ERBB2: variants seen among roughly 807,000 people sequenced by gnomAD.
The protein encoded by ERBB2 is erb-b2 receptor tyrosine kinase 2.
ERBB2 carries 61 observed loss-of-function variants against 149.0 expected under a neutral mutation model. The ratio of observed to expected loss-of-function variants is 0.41; its 90% confidence interval spans 0.33 to 0.51. The LOEUF is 0.51. ERBB2 is among the 20% of genes least tolerant of loss of function. The probability of loss-of-function intolerance (pLI) is 0.25; values close to 1 mark genes in which losing one functional copy is unlikely to be tolerated. For synonymous variants in ERBB2, 633 were observed against 678.8 expected, an observed-to-expected ratio of 0.93 and a Z score of 1.05; for missense variants, 1,205 against 1,655.1, an observed-to-expected ratio of 0.73 and a Z score of 4.72.
rs1357945260 is a variant in ERBB2, at chr17:39,726,547, T to A, written c.2873-15T>A. On this transcript the variant is annotated splice_polypyrimidine_tract_variant and intron_variant, in intron 23 of 26. Coordinates refer to ENST00000269571, the MANE Select transcript of ERBB2 (RefSeq NM_004448.4). This position sits in a 1 kb window ranked among gnomAD's most constrained non-coding sequence, Gnocchi z 5.1. The stretch of plus-strand genomic sequence containing the variant: ...AGGGCCTGGGACTAGCATGCTGACC[T>A]CCCTCCTGCCCCAGGTTGGATGATT... The A allele has an allele frequency of 1.5e-5, 24 of 1,611,046 alleles. No homozygotes were observed. The highest frequency in any genetic ancestry group is 8.0e-5 in the African/African-American group (6 of 74,796).
rs748675090 is a variant in ERBB2, at chr17:39,726,501, G to A, written c.2873-61G>A. ...AGACCAGACTGGAGGGGGAGTGGGA[G>A]GGGAGAGGCAGCAAGCACACAGGGC... On this transcript the variant is annotated intron_variant, in intron 23 of 26. Coordinates refer to ENST00000269571, the MANE Select transcript of ERBB2 (RefSeq NM_004448.4). This position sits in a 1 kb window ranked among gnomAD's most constrained non-coding sequence, Gnocchi z 5.1. 1 of 1,396,694 alleles carries A rather than the reference G, an allele frequency of 7.2e-7. No individual in the cohort carries two copies. The highest frequency in any genetic ancestry group is 1.0e-6 in the Non-Finnish European group (1 of 985,658). 86.5% of individuals were successfully genotyped at this position (1,396,694 alleles called of 1,614,324 possible). A position where few individuals can be genotyped will look rare whatever the true frequency, so the allele number is the denominator to read the frequency against.
chr17:39,724,992 G>T (rs1346743264), intron 20 of ERBB2, 57 bp from the exon 21 acceptor site: 1 of 1,609,206 alleles, frequency 6.2e-7, no homozygotes, highest in Non-Finnish European at 8.5e-7. Context: ...CTCTTGCTGG[G>T]CATGTGGCCA....
intron 16 of ERBB2, among the ~76,000 whole-genome samples, chr17:39,721,766 G>A (rs1402328708): frequency 6.6e-6 from 1 of 152,154 alleles, no homozygotes; most frequent in East Asian, 1.9e-4. Context: ...CCCCAAAATT[G>A]TATGCATACA....
Position 39,716,713 on chromosome 17 carries a change from T to C in ERBB2, c.1737+108T>C, listed in dbSNP as rs2059152745. 9.8e-6 allele frequency: 10 copies of C among 1,018,340 alleles called. No homozygotes were observed. The South Asian group carries it at 1.4e-4, about 14-fold the overall frequency. The allele number at this position is 1,018,340 out of a possible 1,614,324, so 63.1% of individuals were successfully genotyped here. A position where few individuals can be genotyped will look rare whatever the true frequency, so the allele number is the denominator to read the frequency against. On this transcript the variant is annotated intron_variant, in intron 14 of 26. Coordinates refer to ENST00000269571, the MANE Select transcript of ERBB2 (RefSeq NM_004448.4). ...GTAGGGTGTGCTATCTGGTAAAATA[T>C]CCCTGGAGAGGGCTCAGCGCTCAGA...
chr17:39,691,574 T>TACACACACACACAC (rs1173386743), upstream of ERBB2, among the ~76,000 whole-genome samples: 2 of 122,056 alleles, frequency 1.6e-5, no homozygotes, highest in Admixed American at 8.2e-5. Flanking sequence ...TATATATATA[T>TACACACACACACAC]ACACACACAC....
chr17:39,726,019 G>C lies in ERBB2; in HGVS notation c.2872+166G>C. The C allele has an allele frequency of 1.5e-6, 1 of 667,884 alleles. No individual in the cohort carries two copies. Among genetic ancestry groups the C allele is most frequent in the Middle Eastern group, 4.0e-4 (1 of 2,522 alleles). The allele number at this position is 667,884 out of a possible 1,614,324, so 41.4% of individuals were successfully genotyped here. A position where few individuals can be genotyped will look rare whatever the true frequency, so the allele number is the denominator to read the frequency against. Reference sequence around the variant, plus strand: ...ATCCCTTTTACAGTCAAAGTCCAAAGCCACTCTTGAGGAACACTCTTGTAC... The same window carrying C: ...ATCCCTTTTACAGTCAAAGTCCAAACCCACTCTTGAGGAACACTCTTGTAC... On this transcript the variant is annotated intron_variant, in intron 23 of 26. Transcript: ENST00000269571. This position sits in a 1 kb window ranked among gnomAD's most constrained non-coding sequence, Gnocchi z 5.1.
At chr17:39,692,427 G>A (rs1320132652), upstream of ERBB2, among the ~76,000 whole-genome samples, 1 of 147,878 alleles carries the variant, frequency 6.8e-6, no homozygotes, top group Non-Finnish European at 1.5e-5. Context: ...TTTTTTAAAC[G>A]GAGTTTTTGC....
At chr17:39,700,051 T>A, upstream of ERBB2, 1 of 1,264,760 alleles carries the variant, frequency 7.9e-7, no homozygotes, top group Non-Finnish European at 9.9e-7. Context: ...AATGAAGTTG[T>A]GAAGCTGAGA....
Position 39,727,232 on chromosome 17 carries a change from CCATG to C in ERBB2, c.3160-62_3160-59del. The C allele has an allele frequency of 6.3e-7, 1 of 1,580,678 alleles. No homozygotes were observed. The highest frequency in any genetic ancestry group is 8.6e-7 in the Non-Finnish European group (1 of 1,162,226). On this transcript the variant is annotated intron_variant, in intron 25 of 26. Coordinates refer to ENST00000269571, the MANE Select transcript of ERBB2 (RefSeq NM_004448.4). This position sits in a 1 kb window ranked among gnomAD's most constrained non-coding sequence, Gnocchi z 4.3. Reference sequence around the variant, plus strand: ...TTTTCTCCTGTGACCCTGTCACCTTCCATGGAGTCCCCATCCCAGATCCGTGAGT... The same window carrying C: ...TTTTCTCCTGTGACCCTGTCACCTTCGAGTCCCCATCCCAGATCCGTGAGT...
upstream of ERBB2, among the ~76,000 whole-genome samples, chr17:39,690,742 A>T (rs2145185896): frequency 6.6e-6 from 1 of 151,754 alleles, no homozygotes; most frequent in Non-Finnish European, 1.5e-5. Flanking sequence ...TTGGCTTCAG[A>T]TGTGATCCAC....
intron 15 of ERBB2, 69 bp downstream of exon 15, chr17:39,717,549 A>G (rs2059206173): frequency 2.4e-5 from 31 of 1,317,852 alleles, no homozygotes; most frequent in South Asian, 1.0e-4. Context: ...GGCTCTTACT[A>G]TAAAAGGGGA....
At chr17:39,696,173 C>T (rs1366772528), upstream of ERBB2, among the ~76,000 whole-genome samples, 2 of 152,202 alleles carry the variant, frequency 1.3e-5, no homozygotes, top group Non-Finnish European at 2.9e-5. Context: ...CCCACCCCTG[C>T]CCCCCTTCCT....
At chr17:39,714,689 C>T (rs924399861) in intron 9 of ERBB2, among the ~76,000 whole-genome samples, 2 of 152,016 alleles carry the variant, frequency 1.3e-5, no homozygotes, top group African/African-American at 4.8e-5. Flanking sequence ...TTCACTCTTA[C>T]AAACAGTTCC....
At chr17:39,702,111 C>A (rs184911922) in intron 1 of ERBB2, among the ~76,000 whole-genome samples, 2 of 152,296 alleles carry the variant, frequency 1.3e-5, no homozygotes, top group Admixed American at 1.3e-4. Flanking sequence ...ATTGCACAGC[C>A]TGGGCAACAA....
intron 4 of ERBB2, 135 bp from the exon 5 acceptor site, chr17:39,709,678 A>C: frequency 1.0e-6 from 1 of 981,212 alleles, no homozygotes; most frequent in Non-Finnish European, 1.6e-6. Flanking sequence ...GGGGCCTCTC[A>C]GCCTGTCTGG....
At chr17:39,698,070 T>C (rs2057907353), upstream of ERBB2, among the ~76,000 whole-genome samples, 1 of 152,180 alleles carries the variant, frequency 6.6e-6, no homozygotes, top group East Asian at 1.9e-4. Flanking sequence ...TCTGCCCCAG[T>C]ATAACTAAAT....
At chr17:39,706,931 G>C (rs2058476916) in intron 1 of ERBB2, 59 bp from the exon 2 acceptor site, 1 of 1,434,788 alleles carries the variant, frequency 7.0e-7, no homozygotes, top group Admixed American at 2.6e-5. Flanking sequence ...GGATGGGGTG[G>C]CCAGGTCTGA....
upstream of ERBB2, among the ~76,000 whole-genome samples, chr17:39,693,744 C>G (rs1455075345): frequency 6.7e-6 from 1 of 149,644 alleles, no homozygotes; most frequent in Admixed American, 6.7e-5. Context: ...GACAACAGAG[C>G]GAGACTCCAT....
intron 1 of ERBB2, chr17:39,703,482 G>A (rs1243168488): frequency 6.6e-6 from 1 of 152,254 alleles, no homozygotes; most frequent in African/African-American, 2.4e-5. Context: ...GCGAATGTTT[G>A]TGTTGTCCCA....
Sources: allele counts gnomAD v4.1 joint callset (sites outside exome capture counted in the v4.1 genomes callset), GRCh38; gene constraint gnomAD v4.1.1; non-coding constraint Gnocchi (gnomAD v3.1); transcripts MANE v1.5; gene names NCBI Gene and HGNC (gene_info 2026-07-23, HGNC 2026-07-21).